CNBD1: variants seen among roughly 807,000 people sequenced by gnomAD.
CNBD1 encodes the protein cyclic nucleotide binding domain containing 1.
A neutral mutation model predicts 54.4 loss-of-function variants in CNBD1; 71 were observed. That is an observed-to-expected ratio of 1.30 (90% CI 1.08 to 1.59). The LOEUF (loss-of-function observed/expected upper bound fraction) is 1.59. Among genes scored for constraint, CNBD1 ranks in the 40% most tolerant of loss-of-function variants. The pLI is 0.00. For missense variants in CNBD1, 659 were observed against 518.0 expected, an observed-to-expected ratio of 1.27 and a Z score of -2.64; for synonymous variants, 182 against 170.7, an observed-to-expected ratio of 1.07 and a Z score of -0.51.
intron 8 of CNBD1, among the ~76,000 whole-genome samples, chr8:87,313,130 A>T (rs527619669): frequency 5.9e-5 from 9 of 152,174 alleles, no homozygotes; most frequent in Non-Finnish European, 1.0e-4. Flanking sequence ...CCATATACCC[A>T]ACTTCTGCTT....
At chr8:87,361,741 A>C (rs1810528258) in intron 10 of CNBD1, among the ~76,000 whole-genome samples, 2 of 150,184 alleles carry the variant, frequency 1.3e-5, no homozygotes, top group South Asian at 4.2e-4. Context: ...TCTTTGGCTA[A>C]TATGTCATCC....
chr8:87,291,992 G>A (rs1395037587), intron 8 of CNBD1, among the ~76,000 whole-genome samples: 1 of 152,196 alleles, frequency 6.6e-6, no homozygotes, highest in Non-Finnish European at 1.5e-5. Flanking sequence ...CCAAAGTTAT[G>A]ACTTTTTTCT....
intron 4 of CNBD1, among the ~76,000 whole-genome samples, chr8:87,066,866 A>C (rs1260056679): frequency 6.6e-6 from 1 of 151,984 alleles, no homozygotes; most frequent in Non-Finnish European, 1.5e-5. Flanking sequence ...TTTACTTCCT[A>C]TAATTATTAC....
intron 6 of CNBD1, among the ~76,000 whole-genome samples, chr8:87,259,063 C>G (rs1028333549): frequency 6.6e-6 from 1 of 152,072 alleles, no homozygotes; most frequent in Admixed American, 6.6e-5. Flanking sequence ...GTATGTAAAC[C>G]TATTTTTTCA....
At chr8:87,278,246 A>G (rs1489693439) in intron 6 of CNBD1, among the ~76,000 whole-genome samples, 2 of 151,652 alleles carry the variant, frequency 1.3e-5, no homozygotes, top group Non-Finnish European at 3.0e-5. Flanking sequence ...GATAAATAAG[A>G]AATATAGTAG....
Position 87,015,408 on chromosome 8 carries a change from G to A in CNBD1, c.431+75654G>A, listed in dbSNP as rs367756526. The stretch of plus-strand genomic sequence containing the variant: ...CATCGTGTTAGTCAGGATGGTCTCC[G>A]TCTCCTGACCTTGTGATCTGCCTGC... On this transcript the variant is annotated intron_variant, in intron 4 of 10. Transcript: ENST00000518476. 1.0e-3 allele frequency among the ~76,000 whole-genome samples: 159 copies of A among 152,010 alleles called. No homozygotes were observed. The East Asian group carries it at 0.028, about 27-fold the overall frequency.
chr8:87,198,673 G>A (rs928938031), intron 4 of CNBD1, among the ~76,000 whole-genome samples: 1 of 152,086 alleles, frequency 6.6e-6, no homozygotes, highest in Non-Finnish European at 1.5e-5. Context: ...AGAAATATTT[G>A]AAGCATTTAC....
intron 6 of CNBD1, among the ~76,000 whole-genome samples, chr8:87,282,122 T>C (rs1024861378): frequency 1.3e-5 from 2 of 151,794 alleles, no homozygotes; most frequent in Non-Finnish European, 2.9e-5. Flanking sequence ...TTTGTCATTG[T>C]ACTTTTTTTC....
chr8:87,276,858 C>A (rs1808491022), intron 6 of CNBD1, among the ~76,000 whole-genome samples: 1 of 151,624 alleles, frequency 6.6e-6, no homozygotes, highest in Non-Finnish European at 1.5e-5. Flanking sequence ...GTGAATAGAA[C>A]TTACAGGAAC....
intron 3 of CNBD1, among the ~76,000 whole-genome samples, chr8:86,932,243 T>C (rs2130406618): frequency 6.6e-6 from 1 of 152,310 alleles, no homozygotes; most frequent in South Asian, 2.1e-4. Flanking sequence ...CAGGATTATC[T>C]GAAAACTTCC....
chr8:87,388,457 A>G lies in CNBD1; in HGVS notation c.213+34671A>G, dbSNP rs543482567. Among the ~76,000 whole-genome samples the G allele has an allele frequency of 3.8e-3, 586 of 152,296 alleles. 8 individuals carry two copies. Among genetic ancestry groups the G allele is most frequent in the African/African-American group, 0.013 (552 of 41,564 alleles). ...CCACAGAAATACAAACTACCATCAG[A>G]GAATACTATAAACACCTCTACGCAA... On this transcript the variant is annotated intron_variant, in intron 2 of 7. Transcript: ENST00000521593.
At chr8:87,017,566 T>C (rs376527936) in intron 4 of CNBD1, among the ~76,000 whole-genome samples, 6 of 152,140 alleles carry the variant, frequency 3.9e-5, no homozygotes, top group African/African-American at 1.4e-4. Flanking sequence ...ACATGAAATC[T>C]TGCTACCTGA....
rs569711588 is a variant in CNBD1 at position 86,928,028 on chromosome 8, T to C, written c.273-11568T>C. Among the ~76,000 whole-genome samples, 10 of 152,138 alleles carry C rather than the reference T, an allele frequency of 6.6e-5. No homozygotes were observed. The South Asian group carries it at 2.1e-3, about 32-fold the overall frequency. ...TTAACTGCAGTGGAAGTAGAGAGGATTACTGAGTATGGTCCTTCCCACAAG... is the reference window on the plus strand; with the variant it reads ...TTAACTGCAGTGGAAGTAGAGAGGACTACTGAGTATGGTCCTTCCCACAAG... On this transcript the variant is annotated intron_variant, in intron 3 of 10. Transcript: ENST00000518476.
intron 2 of CNBD1, among the ~76,000 whole-genome samples, chr8:87,401,852 A>G (rs1807570815): frequency 6.6e-6 from 1 of 152,022 alleles, no homozygotes; most frequent in Non-Finnish European, 1.5e-5. Context: ...ATAATTAAAC[A>G]CAGAATAACA....
chr8:87,004,133 G>A (rs76970427), intron 4 of CNBD1, among the ~76,000 whole-genome samples: 5,377 of 152,192 alleles, frequency 0.035, 313 homozygotes, highest in African/African-American at 0.12. Flanking sequence ...TTTATAAATT[G>A]CTGGAGACCG....
At chr8:87,418,065 A>G (rs1190889886) in intron 2 of CNBD1, among the ~76,000 whole-genome samples, 6 of 151,938 alleles carry the variant, frequency 3.9e-5, no homozygotes, top group Non-Finnish European at 8.8e-5. Flanking sequence ...CTTAAAATCA[A>G]TATGAAAATA....
At chr8:87,327,493 A>C (rs992641384) in intron 8 of CNBD1, among the ~76,000 whole-genome samples, 1 of 152,282 alleles carries the variant, frequency 6.6e-6, no homozygotes, top group Non-Finnish European at 1.5e-5. Flanking sequence ...CAGGTGTGGG[A>C]TATAGTTTCG....
At chr8:87,128,003 G>C (rs1812028416) in intron 4 of CNBD1, among the ~76,000 whole-genome samples, 1 of 152,148 alleles carries the variant, frequency 6.6e-6, no homozygotes, top group Non-Finnish European at 1.5e-5. Flanking sequence ...AAGAATAGCA[G>C]AATGGCACGA....
chr8:86,912,305 C>T (rs1272820794), intron 3 of CNBD1, among the ~76,000 whole-genome samples: 1 of 151,974 alleles, frequency 6.6e-6, no homozygotes, highest in Non-Finnish European at 1.5e-5. Context: ...AGGGTGCAGA[C>T]CAAAAATAAT....
Sources: allele counts gnomAD v4.1 joint callset (sites outside exome capture counted in the v4.1 genomes callset), GRCh38; gene constraint gnomAD v4.1.1; transcripts MANE v1.5; gene names NCBI Gene and HGNC (gene_info 2026-07-23, HGNC 2026-07-21).